Variants in KAZN observed in about 807,000 individuals in gnomAD.
The protein encoded by KAZN is kazrin.
A neutral mutation model predicts 87.4 loss-of-function variants in KAZN; 40 were observed. The ratio of observed to expected loss-of-function variants is 0.46; its 90% CI spans 0.36 to 0.60. The LOEUF (loss-of-function observed/expected upper bound fraction) is 0.60. KAZN is among the 20% of genes least tolerant of loss of function. The pLI is 0.00. For synonymous variants in KAZN, 466 were observed against 458.3 expected, an observed-to-expected ratio of 1.02 and a Z score of -0.22; for missense variants, 898 against 1,073.9, an observed-to-expected ratio of 0.84 and a Z score of 2.29.
chr1:14,838,032 CAG>C (rs76919755), intron 1 of KAZN, among the ~76,000 whole-genome samples: 10,629 of 152,186 alleles, frequency 0.07, 467 homozygotes, highest in Admixed American at 0.12. Flanking sequence ...TTATTTCTGA[CAG>C]TTCTGGAGGC....
chr1:14,942,349 C>T (rs1177971856), intron 1 of KAZN, among the ~76,000 whole-genome samples: 1 of 151,836 alleles, frequency 6.6e-6, no homozygotes, highest in Non-Finnish European at 1.5e-5. Flanking sequence ...TTGTGGAGTG[C>T]GGAGAGGAAA....
intron 2 of KAZN, among the ~76,000 whole-genome samples, chr1:14,287,013 T>C (rs1653304296): frequency 1.3e-5 from 2 of 152,186 alleles, no homozygotes; most frequent in African/African-American, 4.8e-5. Context: ...CAGTTGGAAC[T>C]ACAATTGAGT....
chr1:14,154,814 T>A (rs1453471360), intron 1 of KAZN, among the ~76,000 whole-genome samples: 2 of 152,232 alleles, frequency 1.3e-5, no homozygotes, highest in Admixed American at 6.5e-5. Flanking sequence ...TTGCATTTGT[T>A]GAACCATCCT....
intron 1 of KAZN, among the ~76,000 whole-genome samples, chr1:14,010,972 C>T (rs1157801761): frequency 2.0e-5 from 3 of 152,112 alleles, no homozygotes; most frequent in African/African-American, 7.2e-5. Context: ...ACCTTATCTC[C>T]CTTCCCCATC....
At chr1:14,295,464 C>T (rs753219029) in intron 2 of KAZN, among the ~76,000 whole-genome samples, 13 of 152,146 alleles carry the variant, frequency 8.5e-5, no homozygotes, top group African/African-American at 1.2e-4. Flanking sequence ...CAAAGAGACT[C>T]GGGACAAAAA....
rs546081259 is a variant in KAZN at position 14,608,823 on chromosome 1, C to T, written c.226+9600C>T. On this transcript the variant is annotated intron_variant, in intron 1 of 14. Coordinates refer to ENST00000376030, the MANE Select transcript of KAZN (RefSeq NM_201628.3). Reference sequence around the variant, plus strand: ...TCTGGTCAGCGGCAACAAATGAATTCGTTCATTTTCCTTGATTGACTTAAA... The same window carrying T: ...TCTGGTCAGCGGCAACAAATGAATTTGTTCATTTTCCTTGATTGACTTAAA... Among the ~76,000 whole-genome samples, 40 of 152,304 alleles carry T rather than the reference C, an allele frequency of 2.6e-4. No individual in the cohort carries two copies. The South Asian group carries it at 6.4e-3, about 24-fold the overall frequency.
chr1:14,795,630 T>C (rs952313589), intron 1 of KAZN, among the ~76,000 whole-genome samples: 1 of 149,884 alleles, frequency 6.7e-6, no homozygotes, highest in African/African-American at 2.4e-5. Context: ...CTGCCCAACC[T>C]CGCTCCCACC....
intron 2 of KAZN, among the ~76,000 whole-genome samples, chr1:14,373,168 A>C (rs1315589924): frequency 6.6e-6 from 1 of 151,346 alleles, no homozygotes; most frequent in Non-Finnish European, 1.5e-5. Flanking sequence ...TCATTGCTCC[A>C]GTATTTGTTA....
At chr1:14,861,261 C>A (rs894968263) in intron 1 of KAZN, among the ~76,000 whole-genome samples, 2 of 152,170 alleles carry the variant, frequency 1.3e-5, no homozygotes, top group East Asian at 1.9e-4. Flanking sequence ...CGCCTGTAGT[C>A]CCCCCTACTT....
chr1:14,958,101 C>T (rs1233593033), intron 1 of KAZN, among the ~76,000 whole-genome samples: 1 of 152,208 alleles, frequency 6.6e-6, no homozygotes, highest in Non-Finnish European at 1.5e-5. Context: ...TGCTCCCCCT[C>T]TGCCTGCTCC....
intron 1 of KAZN, among the ~76,000 whole-genome samples, chr1:14,114,018 T>C (rs554145610): frequency 3.3e-5 from 5 of 152,098 alleles, no homozygotes; most frequent in African/African-American, 4.8e-5. Flanking sequence ...GCAGCAAACG[T>C]CCAGGGGAGG....
At chr1:14,675,627 C>T (rs929427562) in intron 1 of KAZN, among the ~76,000 whole-genome samples, 2 of 152,052 alleles carry the variant, frequency 1.3e-5, no homozygotes, top group Admixed American at 6.5e-5. Context: ...TTTGGCATGC[C>T]TATTACCCAT....
At chr1:14,034,014 G>T (rs1447547192) in intron 1 of KAZN, among the ~76,000 whole-genome samples, 1 of 152,224 alleles carries the variant, frequency 6.6e-6, no homozygotes, top group Non-Finnish European at 1.5e-5. Flanking sequence ...GAAACGTCTA[G>T]CCTGGAACAA....
intron 1 of KAZN, among the ~76,000 whole-genome samples, chr1:14,650,196 C>T (rs552400677): frequency 4.6e-5 from 7 of 152,078 alleles, no homozygotes; most frequent in African/African-American, 1.4e-4. Flanking sequence ...GGGCCATGCT[C>T]AGTCATATAA....
intron 1 of KAZN, among the ~76,000 whole-genome samples, chr1:14,904,359 AAT>A (rs1656267239): frequency 6.6e-6 from 1 of 151,408 alleles, no homozygotes; most frequent in Admixed American, 6.6e-5. Flanking sequence ...TTGGATTGTG[AAT>A]TAGAGGAGAC....
rs115160605 is a variant in KAZN at position 14,808,682 on chromosome 1, T to A, written c.227-152002T>A. On this transcript the variant is annotated intron_variant, in intron 1 of 14. Transcript: ENST00000376030. ...GACTCTGGGGGATGTCCATCTGAGA[T>A]GTATTATTACAAAAAGAAATTATAA... is the stretch of plus-strand genomic sequence containing the variant. Among the ~76,000 whole-genome samples, 581 of 152,282 alleles carry A rather than the reference T, an allele frequency of 3.8e-3. 5 individuals are homozygous for A. Among genetic ancestry groups the A allele is most frequent in the Non-Finnish European group, 5.0e-3 (343 of 68,032 alleles).
intron 2 of KAZN, among the ~76,000 whole-genome samples, chr1:14,231,434 A>G (rs1284496362): frequency 2.6e-5 from 4 of 152,110 alleles, no homozygotes; most frequent in African/African-American, 9.7e-5. Flanking sequence ...TAGCTATTCA[A>G]TACTCACTTT....
chr1:15,018,800 G>A (rs889026919), intron 2 of KAZN, among the ~76,000 whole-genome samples: 2 of 152,134 alleles, frequency 1.3e-5, no homozygotes, highest in Non-Finnish European at 2.9e-5. Context: ...ACTGGCACAG[G>A]CGGGCAGCCA....
rs1014887649 is a variant in KAZN, at chr1:14,856,403, G to C, written c.227-104281G>C. Among the ~76,000 whole-genome samples, 1 of 152,198 alleles carries C rather than the reference G, an allele frequency of 6.6e-6. No homozygotes were observed. The highest frequency in any genetic ancestry group is 1.5e-5 in the Non-Finnish European group (1 of 68,032). ...TCAATGCTAAGGAATTTTGAAGAAGGAGGCAATATTTCCATAGGTGGCATA... is the reference window on the plus strand; with the variant it reads ...TCAATGCTAAGGAATTTTGAAGAAGCAGGCAATATTTCCATAGGTGGCATA... On this transcript the variant is annotated intron_variant, in intron 1 of 14. Transcript: ENST00000376030. The surrounding 1 kb of genome is among the most constrained non-coding windows in gnomAD (Gnocchi z 5.2).
Sources: gnomAD v4.1 joint callset for allele counts (sites outside exome capture counted in the v4.1 genomes callset) on GRCh38, gnomAD v4.1.1 for gene constraint, Gnocchi (gnomAD v3.1) non-coding constraint, MANE v1.5 for transcripts, NCBI Gene and HGNC (gene_info 2026-07-23, HGNC 2026-07-21) for gene names.